PRDM10: variants seen among roughly 807,000 people sequenced by gnomAD.
PRDM10 encodes PR domain zinc finger protein 10.
In PRDM10, 65 loss-of-function variants were observed where a neutral mutation model predicts 133.1. That is an observed-to-expected ratio of 0.49 (90% CI 0.40 to 0.60). The LOEUF (loss-of-function observed/expected upper bound fraction) is 0.60, where lower values mean the gene tolerates loss of function less well. Among genes scored for constraint, PRDM10 ranks in the 20% least tolerant of loss-of-function variants. The pLI is 0.00. For missense variants in PRDM10, 1,137 were observed against 1,507.1 expected, an observed-to-expected ratio of 0.75 and a Z score of 4.07; for synonymous variants, 582 against 580.4, an observed-to-expected ratio of 1.00 and a Z score of -0.04.
chr11:129,906,320 G>A (rs984520308), intron 19 of PRDM10, among the ~76,000 whole-genome samples: 2 of 152,142 alleles, frequency 1.3e-5, no homozygotes, highest in Admixed American at 6.5e-5. Context: ...CAGCACACAA[G>A]ACGTGACGAA....
chr11:129,985,796 AAAAAAAAAAAAAAATAT>A (rs1381433004), intron 1 of PRDM10, among the ~76,000 whole-genome samples: 11 of 123,242 alleles, frequency 8.9e-5, no homozygotes, highest in African/African-American at 2.0e-4. Flanking sequence ...AAAAAAAAAA[AAAAAAAAAAAAAAATAT>A]ATATATATAT....
intron 19 of PRDM10, 81 bp from the exon 20 acceptor site, chr11:129,905,822 A>C: frequency 1.8e-6 from 2 of 1,141,980 alleles, no homozygotes. Context: ...ACCAGTAGCC[A>C]CAGTCCGCAC....
intron 1 of PRDM10, among the ~76,000 whole-genome samples, chr11:129,980,403 G>C (rs1938040214): frequency 6.6e-6 from 1 of 152,094 alleles, no homozygotes. Flanking sequence ...ATAGGAGCAG[G>C]GACCCTGTTG....
chr11:129,973,589 G>A (rs775374171), intron 1 of PRDM10, among the ~76,000 whole-genome samples: 1 of 151,984 alleles, frequency 6.6e-6, no homozygotes, highest in African/African-American at 2.4e-5. Context: ...AATAAATTAC[G>A]CTGAAATAAA....
At chr11:129,971,844 C>T (rs185321855) in intron 1 of PRDM10, among the ~76,000 whole-genome samples, 5 of 152,360 alleles carry the variant, frequency 3.3e-5, no homozygotes, top group African/African-American at 7.2e-5. Context: ...ATTCCTCAGC[C>T]CTTGGGTGGT....
intron 11 of PRDM10, among the ~76,000 whole-genome samples, chr11:129,925,970 G>A (rs1950667258): frequency 6.6e-6 from 1 of 152,188 alleles, no homozygotes; most frequent in Admixed American, 6.5e-5. Context: ...TGGGACATGA[G>A]CACATGTCGT....
intron 1 of PRDM10, among the ~76,000 whole-genome samples, chr11:129,977,275 C>T (rs1037421020): frequency 1.4e-4 from 21 of 151,028 alleles, no homozygotes; most frequent in Non-Finnish European, 2.5e-4. Flanking sequence ...CACACACACA[C>T]ACACACACAC....
chr11:129,972,402 T>C (rs927770007), intron 1 of PRDM10, among the ~76,000 whole-genome samples: 1 of 152,182 alleles, frequency 6.6e-6, no homozygotes, highest in Non-Finnish European at 1.5e-5. Flanking sequence ...CTGGCAACAA[T>C]AGCAACAAAG....
intron 1 of PRDM10, among the ~76,000 whole-genome samples, chr11:129,973,821 A>G (rs1937626574): frequency 1.3e-5 from 2 of 152,256 alleles, no homozygotes; most frequent in South Asian, 4.1e-4. Context: ...TCTTATGTAG[A>G]TATAAAGATG....
intron 19 of PRDM10, 41 bp from the exon 20 acceptor site, chr11:129,905,782 T>C (rs1289245052): frequency 2.6e-6 from 4 of 1,556,032 alleles, no homozygotes; most frequent in Non-Finnish European, 3.5e-6. Flanking sequence ...GGTCTCAGAT[T>C]TTAACACAAG....
intron 3 of PRDM10, among the ~76,000 whole-genome samples, chr11:129,957,101 T>C (rs1951709663): frequency 6.6e-6 from 1 of 152,204 alleles, no homozygotes; most frequent in Non-Finnish European, 1.5e-5. Flanking sequence ...CTAATAAGCT[T>C]AGCAGGACCC....
intron 1 of PRDM10, among the ~76,000 whole-genome samples, chr11:129,994,465 C>CAAA (rs1187507792): frequency 1.3e-5 from 1 of 79,518 alleles, no homozygotes; most frequent in African/African-American, 5.0e-5. Context: ...AACTCTGCCT[C>CAAA]AAAAAAAAAA....
intron 9 of PRDM10, among the ~76,000 whole-genome samples, chr11:129,932,534 T>C (rs1213153415): frequency 6.6e-6 from 1 of 152,204 alleles, no homozygotes; most frequent in Non-Finnish European, 1.5e-5. Context: ...GGACAGAACA[T>C]GCTAAGCCTT....
At chr11:129,985,264 A>AGTGT (rs149995969) in intron 1 of PRDM10, among the ~76,000 whole-genome samples, 25 of 151,650 alleles carry the variant, frequency 1.6e-4, no homozygotes, top group African/African-American at 5.6e-4. Context: ...CAGCTAAGAA[A>AGTGT]GTGTGTGTGT....
At chr11:129,929,741 T>G (rs1591614912) in intron 11 of PRDM10, among the ~76,000 whole-genome samples, 1 of 148,074 alleles carries the variant, frequency 6.8e-6, no homozygotes, top group East Asian at 2.1e-4. Context: ...GGGCTTCGGT[T>G]TTTTTTTTTC....
intron 1 of PRDM10, among the ~76,000 whole-genome samples, chr11:129,977,205 C>G (rs1390471288): frequency 6.7e-6 from 1 of 150,044 alleles, no homozygotes; most frequent in East Asian, 2.0e-4. Flanking sequence ...GTGACCCCAG[C>G]TAAAGAGCTA....
At chr11:129,969,929 A>G (rs1022071295) in intron 1 of PRDM10, among the ~76,000 whole-genome samples, 2 of 152,210 alleles carry the variant, frequency 1.3e-5, no homozygotes, top group African/African-American at 2.4e-5. Flanking sequence ...CTGGTAACTA[A>G]AAAAGTAAGT....
At chr11:129,996,163 T>C (rs981552566) in intron 1 of PRDM10, among the ~76,000 whole-genome samples, 15 of 152,186 alleles carry the variant, frequency 9.9e-5, no homozygotes, top group East Asian at 3.9e-4. Flanking sequence ...TAAGCACAAA[T>C]AATTGGAGTA....
chr11:129,996,160 A>G (rs1469326467), intron 1 of PRDM10, among the ~76,000 whole-genome samples: 1 of 152,226 alleles, frequency 6.6e-6, no homozygotes, highest in Non-Finnish European at 1.5e-5. Context: ...AAATAAGCAC[A>G]AATAATTGGA....
Sources: gnomAD v4.1 joint callset for allele counts (sites outside exome capture counted in the v4.1 genomes callset) on GRCh38, gnomAD v4.1.1 for gene constraint, MANE v1.5 for transcripts, NCBI Gene and HGNC (gene_info 2026-07-23, HGNC 2026-07-21) for gene names.